Variants in ABCC1 observed in about 807,000 individuals in gnomAD.
The protein encoded by ABCC1 is multidrug resistance-associated protein 1.
A neutral mutation model predicts 172.9 loss-of-function variants in ABCC1; 83 were observed. The observed-to-expected ratio is 0.48, with a 90% CI of 0.40 to 0.58. ABCC1 has a LOEUF of 0.58. ABCC1 is among the 20% of genes least tolerant of loss of function. The pLI is 0.00. For missense variants in ABCC1, 1,817 were observed against 2,002.7 expected, an observed-to-expected ratio of 0.91 and a Z score of 1.77; for synonymous variants, 937 against 825.2, an observed-to-expected ratio of 1.14 and a Z score of -2.32.
intron 12 of ABCC1, among the ~76,000 whole-genome samples, chr16:16,066,572 A>G (rs970304288): frequency 6.6e-6 from 1 of 152,126 alleles, no homozygotes; most frequent in Non-Finnish European, 1.5e-5. Context: ...TGAGAAGTCT[A>G]TCATGTAGAT....
chr16:16,050,919 A>G (rs1215022596), intron 10 of ABCC1, among the ~76,000 whole-genome samples: 1 of 151,952 alleles, frequency 6.6e-6, no homozygotes. Context: ...GAAAAAAAAA[A>G]TCTAAATAAA....
At chr16:16,000,435 G>A (rs1011577648) in intron 1 of ABCC1, among the ~76,000 whole-genome samples, 9 of 151,972 alleles carry the variant, frequency 5.9e-5, no homozygotes, top group African/African-American at 9.7e-5. Context: ...ATGAGCCACC[G>A]TGTCCAGCTT....
chr16:16,021,496 C>G (rs1470477129), intron 5 of ABCC1, among the ~76,000 whole-genome samples: 3 of 152,112 alleles, frequency 2.0e-5, no homozygotes, highest in Non-Finnish European at 4.4e-5. Context: ...GCAGGTAGAT[C>G]ACCTGAGATC....
rs376325903 is a variant in ABCC1 at position 15,994,540 on chromosome 16, CTT to C, written c.49-13274_49-13273del. 1.7e-4 allele frequency among the ~76,000 whole-genome samples: 26 copies of C among 152,248 alleles called. 1 individual carries two copies. In the East Asian group the frequency reaches 5.0e-3, roughly 29 times the overall value. On this transcript the variant is annotated intron_variant, in intron 1 of 30. Coordinates refer to ENST00000399410, the MANE Select transcript of ABCC1 (RefSeq NM_004996.4). ...GGCACCCAATAAATACATGCTTTCT[CTT>C]TGTTTCCAACTCAGCATTTAGAAAT...
intron 7 of ABCC1, among the ~76,000 whole-genome samples, chr16:16,039,290 T>G (rs1161709335): frequency 7.3e-6 from 1 of 137,904 alleles, no homozygotes; most frequent in Non-Finnish European, 1.5e-5. Flanking sequence ...TTTTTTGAGA[T>G]GGAGTCTCAT....
chr16:16,087,860 T>TA (rs1333404752), intron 18 of ABCC1, among the ~76,000 whole-genome samples: 1 of 152,196 alleles, frequency 6.6e-6, no homozygotes, highest in Non-Finnish European at 1.5e-5. Context: ...TTCCACTGGT[T>TA]AGAGGTTTTG....
chr16:16,056,360 A>G lies in ABCC1; in HGVS notation c.1677+65A>G, dbSNP rs770501247. On this transcript the variant is annotated intron_variant, in intron 12 of 30. Coordinates refer to ENST00000399410, the MANE Select transcript of ABCC1 (RefSeq NM_004996.4). ...TGTTTTATTTTCTCTGCGTACCTGAATATTTTTAAAAGGTCACTATGTTGC... is the reference window on the plus strand; with the variant it reads ...TGTTTTATTTTCTCTGCGTACCTGAGTATTTTTAAAAGGTCACTATGTTGC... 7.9e-5 allele frequency: 123 copies of G among 1,563,654 alleles called. 1 individual carries two copies. Among genetic ancestry groups the G allele is most frequent in the Non-Finnish European group, 1.0e-4 (115 of 1,142,370 alleles).
At chr16:16,110,715 CT>C (rs1307237278) in intron 21 of ABCC1, among the ~76,000 whole-genome samples, 2 of 152,166 alleles carry the variant, frequency 1.3e-5, no homozygotes, top group Non-Finnish European at 2.9e-5. Context: ...ATGTCACTTC[CT>C]CGAAGAAAAC....
chr16:16,036,063 G>C (rs2048743168), intron 6 of ABCC1, among the ~76,000 whole-genome samples: 1 of 152,052 alleles, frequency 6.6e-6, no homozygotes, highest in Non-Finnish European at 1.5e-5. Context: ...GCTGGAGGCT[G>C]CAGGGAGCTG....
chr16:16,083,560 G>C lies in ABCC1; in HGVS notation c.2292+18G>C. The C allele has an allele frequency of 6.3e-7, 1 of 1,595,982 alleles. No individual in the cohort carries two copies. Among genetic ancestry groups the C allele is most frequent in the Non-Finnish European group, 8.6e-7 (1 of 1,166,070 alleles). On this transcript the variant is annotated intron_variant, in intron 17 of 30. Transcript: ENST00000399410. ...GCGAGAAGGTCAGTATAGGTTGGAT[G>C]TTGGCCCCTGAATCAGTCAGCTGTT... is the stretch of plus-strand genomic sequence containing the variant.
chr16:15,963,367 G>T (rs2046178634), intron 1 of ABCC1, among the ~76,000 whole-genome samples: 1 of 152,184 alleles, frequency 6.6e-6, no homozygotes, highest in East Asian at 1.9e-4. Flanking sequence ...TACCATTCTG[G>T]GTTCTGGATG....
At chr16:16,095,728 G>T (rs957729027) in intron 19 of ABCC1, among the ~76,000 whole-genome samples, 2 of 151,936 alleles carry the variant, frequency 1.3e-5, no homozygotes, top group Non-Finnish European at 2.9e-5. Flanking sequence ...ATATCAGTCT[G>T]TTGCCCAGGC....
rs1008858110 is a variant in ABCC1 at position 15,951,070 on chromosome 16, A to C, written c.48+1271A>C. On this transcript the variant is annotated intron_variant, in intron 1 of 30. Transcript: ENST00000399410. ...ACTTTGCCTTGAGGGTCTGGGGGTGATTGGAGCCTCTTTGCAGATGGACTT... is the reference window on the plus strand; with the variant it reads ...ACTTTGCCTTGAGGGTCTGGGGGTGCTTGGAGCCTCTTTGCAGATGGACTT... Among the ~76,000 whole-genome samples the C allele has an allele frequency of 2.0e-5, 3 of 152,254 alleles. No homozygotes were observed. In the East Asian group the frequency reaches 5.8e-4, roughly 29 times the overall value.
At chr16:15,950,476 C>T (rs1456913135) in intron 1 of ABCC1, among the ~76,000 whole-genome samples, 1 of 152,128 alleles carries the variant, frequency 6.6e-6, no homozygotes, top group African/African-American at 2.4e-5. Flanking sequence ...ACGCCCAGGA[C>T]CCTGGTAGCT....
intron 1 of ABCC1, among the ~76,000 whole-genome samples, chr16:15,975,637 A>C (rs1313184821): frequency 3.3e-5 from 5 of 150,928 alleles, no homozygotes; most frequent in African/African-American, 4.9e-5. Context: ...GCTCACAGCA[A>C]CCTCTGCCTC....
At chr16:16,073,352 G>A (rs1415495958) in intron 14 of ABCC1, among the ~76,000 whole-genome samples, 2 of 152,182 alleles carry the variant, frequency 1.3e-5, no homozygotes, top group African/African-American at 4.8e-5. Context: ...GATTTACTGA[G>A]CACCTACTAT....
At chr16:16,050,093 T>A (rs915621246) in intron 10 of ABCC1, among the ~76,000 whole-genome samples, 4 of 152,348 alleles carry the variant, frequency 2.6e-5, no homozygotes, top group South Asian at 4.1e-4. Flanking sequence ...ATATAGCAGC[T>A]GACTTTTGTG....
At chr16:16,104,090 A>G (rs1051536022) in intron 20 of ABCC1, among the ~76,000 whole-genome samples, 1 of 152,166 alleles carries the variant, frequency 6.6e-6, no homozygotes, top group Non-Finnish European at 1.5e-5. Context: ...GGCTGGCTTC[A>G]GGAGTGAAGC....
intron 12 of ABCC1, among the ~76,000 whole-genome samples, chr16:16,057,625 T>C (rs1262531715): frequency 6.6e-6 from 1 of 152,164 alleles, no homozygotes; most frequent in Admixed American, 6.6e-5. Context: ...CAGTTTCGTG[T>C]ACGCTTTTAG....
Sources: allele counts gnomAD v4.1 joint callset (sites outside exome capture counted in the v4.1 genomes callset), GRCh38; gene constraint gnomAD v4.1.1; transcripts MANE v1.5; gene names NCBI Gene and HGNC (gene_info 2026-07-23, HGNC 2026-07-21).